Variants in TENM4 observed in about 807,000 individuals in gnomAD.
TENM4 encodes teneurin-4.
TENM4 carries 82 observed loss-of-function variants against 243.3 expected under a neutral mutation model. That is an observed-to-expected ratio of 0.34 (90% confidence interval 0.28 to 0.40). The LOEUF (loss-of-function observed/expected upper bound fraction) is 0.40. Among genes scored for constraint, TENM4 ranks in the 10% least tolerant of loss-of-function variants. TENM4 has a pLI of 1.00. For missense variants in TENM4, 3,138 were observed against 3,673.3 expected, an observed-to-expected ratio of 0.85 and a Z score of 3.77; for synonymous variants, 1,412 against 1,456.3, an observed-to-expected ratio of 0.97 and a Z score of 0.69.
intron 1 of TENM4, among the ~76,000 whole-genome samples, chr11:79,408,006 T>G (rs971629361): frequency 2.0e-5 from 3 of 151,840 alleles, no homozygotes; most frequent in African/African-American, 7.3e-5. Flanking sequence ...CAGGTTCAAG[T>G]GATTCTTCTG....
chr11:78,823,142 G>C (rs1021545687), intron 12 of TENM4, among the ~76,000 whole-genome samples: 2 of 152,208 alleles, frequency 1.3e-5, no homozygotes, highest in African/African-American at 4.8e-5. Context: ...AGACAGCCAA[G>C]TGCCGCGCTC....
chr11:79,391,961 GA>G (rs35653914), intron 1 of TENM4, among the ~76,000 whole-genome samples: 3 of 151,138 alleles, frequency 2.0e-5, no homozygotes, highest in Admixed American at 6.6e-5. Context: ...ATTTCCCTTT[GA>G]AAAAAAAATC....
chr11:79,183,888 C>G (rs148497583), intron 3 of TENM4, among the ~76,000 whole-genome samples: 1 of 152,020 alleles, frequency 6.6e-6, no homozygotes, highest in East Asian at 1.9e-4. Flanking sequence ...AAATTGGAAC[C>G]CTTGTGCATT....
intron 7 of TENM4, among the ~76,000 whole-genome samples, chr11:78,900,097 G>T (rs1005933426): frequency 2.0e-5 from 3 of 152,162 alleles, no homozygotes; most frequent in Non-Finnish European, 4.4e-5. Context: ...CCCTGTCAAC[G>T]CGATGTGGAG....
intron 2 of TENM4, among the ~76,000 whole-genome samples, chr11:79,223,002 G>A (rs967006640): frequency 2.6e-5 from 4 of 152,114 alleles, no homozygotes; most frequent in African/African-American, 9.7e-5. Context: ...TGGGGAGGGA[G>A]AGCATCAGGA....
intron 6 of TENM4, among the ~76,000 whole-genome samples, chr11:78,943,875 C>T (rs748255147): frequency 6.6e-6 from 1 of 152,194 alleles, no homozygotes; most frequent in Non-Finnish European, 1.5e-5. Flanking sequence ...TTAGTAACAA[C>T]AAATTCTGTT....
intron 15 of TENM4, among the ~76,000 whole-genome samples, chr11:78,803,217 A>C (rs1857317461): frequency 6.6e-6 from 1 of 151,940 alleles, no homozygotes. Flanking sequence ...TTTAGTGGAG[A>C]CGGGGTTTCA....
intron 1 of TENM4, among the ~76,000 whole-genome samples, chr11:79,363,874 G>T (rs1857631550): frequency 6.6e-6 from 1 of 152,132 alleles, no homozygotes; most frequent in Non-Finnish European, 1.5e-5. Flanking sequence ...GAAGCACTTT[G>T]GGATTTCCTT....
intron 1 of TENM4, among the ~76,000 whole-genome samples, chr11:79,301,957 T>A (rs761297538): frequency 1.3e-5 from 2 of 152,188 alleles, no homozygotes; most frequent in African/African-American, 4.8e-5. Context: ...CTCTTTTCTT[T>A]ATAAATTACG....
chr11:79,111,320 T>C (rs936318453), intron 4 of TENM4, among the ~76,000 whole-genome samples: 3 of 151,964 alleles, frequency 2.0e-5, no homozygotes, highest in Non-Finnish European at 2.9e-5. Context: ...CCGAGGTGGG[T>C]AGATTACAAG....
chr11:79,258,516 G>A, intron 2 of TENM4, among the ~76,000 whole-genome samples: 1 of 152,176 alleles, frequency 6.6e-6, no homozygotes, highest in East Asian at 1.9e-4. Flanking sequence ...TATTTCACAA[G>A]GTCAAGTGTG....
At chr11:78,998,490 A>T (rs1029991143) in intron 6 of TENM4, among the ~76,000 whole-genome samples, 1 of 152,276 alleles carries the variant, frequency 6.6e-6, no homozygotes. Context: ...CAAAATTGAC[A>T]AAAATAACTA....
intron 1 of TENM4, among the ~76,000 whole-genome samples, chr11:79,299,485 G>T (rs1425568224): frequency 6.6e-6 from 1 of 152,062 alleles, no homozygotes; most frequent in Non-Finnish European, 1.5e-5. Flanking sequence ...ATCCAGGCAG[G>T]GTCATCCTCT....
chr11:79,304,741 C>A (rs183820393), intron 1 of TENM4, among the ~76,000 whole-genome samples: 1 of 152,308 alleles, frequency 6.6e-6, no homozygotes, highest in Non-Finnish European at 1.5e-5. Context: ...TATTAACTGG[C>A]CTCCAAAGAC....
intron 32 of TENM4, among the ~76,000 whole-genome samples, chr11:78,664,702 T>C (rs1369794144): frequency 6.6e-6 from 1 of 152,206 alleles, no homozygotes; most frequent in East Asian, 1.9e-4. Context: ...GAGTCTTTGA[T>C]TCTATAAATC....
intron 13 of TENM4, 76 bp downstream of exon 13, chr11:78,814,218 T>A (rs1403356830): frequency 1.4e-6 from 2 of 1,403,936 alleles, no homozygotes; most frequent in South Asian, 2.6e-5. Flanking sequence ...ATTCTGCACT[T>A]GCTCTGAGAA....
At chr11:79,210,173 G>A (rs1024248374) in intron 3 of TENM4, among the ~76,000 whole-genome samples, 14 of 152,186 alleles carry the variant, frequency 9.2e-5, no homozygotes, top group African/African-American at 3.4e-4. Context: ...GAGAAAAAAT[G>A]CACTGTCCTA....
At chr11:79,405,735 C>T (rs1181013762) in intron 1 of TENM4, among the ~76,000 whole-genome samples, 1 of 149,754 alleles carries the variant, frequency 6.7e-6, no homozygotes, top group Admixed American at 6.7e-5. Flanking sequence ...GATTTCATAA[C>T]TAACTCTTAT....
At chr11:79,367,466 T>C (rs1857698574) in intron 1 of TENM4, among the ~76,000 whole-genome samples, 1 of 152,220 alleles carries the variant, frequency 6.6e-6, no homozygotes, top group South Asian at 2.1e-4. Flanking sequence ...TTCCTTTAAA[T>C]TCCTATTCCT....
Sources: allele counts gnomAD v4.1 joint callset (sites outside exome capture counted in the v4.1 genomes callset), GRCh38; gene constraint gnomAD v4.1.1; transcripts MANE v1.5; gene names NCBI Gene and HGNC (gene_info 2026-07-23, HGNC 2026-07-21).